FGD4: variants seen among roughly 807,000 people sequenced by gnomAD.
FGD4 encodes the protein FYVE, RhoGEF and PH domain-containing protein 4.
A neutral mutation model predicts 102.0 loss-of-function variants in FGD4; 42 were observed. The observed-to-expected ratio is 0.41, with a 90% CI of 0.32 to 0.53. The LOEUF (loss-of-function observed/expected upper bound fraction) is 0.53. FGD4 is among the 20% of genes least tolerant of loss of function. The pLI, the probability that FGD4 is intolerant of heterozygous loss-of-function variation, is 0.21. For missense variants in FGD4, 902 were observed against 1,078.2 expected (o/e 0.84, Z 2.29); for synonymous variants, 380 against 375.7 (o/e 1.01, Z -0.13).
At chr12:32,532,569 CT>C (rs936929128) in intron 1 of FGD4, among the ~76,000 whole-genome samples, 272 of 143,100 alleles carry the variant, frequency 1.9e-3, no homozygotes, top group Admixed American at 2.0e-3. Flanking sequence ...CACATGTTAG[CT>C]TTTTTTTTTT....
intron 1 of FGD4, among the ~76,000 whole-genome samples, chr12:32,496,962 G>A (rs1039507388): frequency 3.9e-5 from 6 of 152,160 alleles, no homozygotes; most frequent in African/African-American, 9.7e-5. Context: ...ATTCTTATTT[G>A]ACTAAGACAC....
chr12:32,629,971 G>A (rs1950403345), intron 14 of FGD4, among the ~76,000 whole-genome samples: 1 of 152,102 alleles, frequency 6.6e-6, no homozygotes, highest in South Asian at 2.1e-4. Context: ...TTATTTGGTT[G>A]ATAGTTCATT....
chr12:32,497,547 C>G (rs1007879082), intron 1 of FGD4, among the ~76,000 whole-genome samples: 3 of 151,990 alleles, frequency 2.0e-5, no homozygotes, highest in Non-Finnish European at 4.4e-5. Context: ...ATGTTTGATC[C>G]CCGATTAGGA....
In FGD4 at chr12:32,399,900, C is replaced by T. The variant is rs1370361524; in HGVS notation, c.107C>T (p.Ser36Leu). 6.5e-7 allele frequency: 1 copy of T among 1,529,140 alleles called. No individual in the cohort carries two copies. The highest frequency in any genetic ancestry group is 1.4e-5 in the African/African-American group (1 of 71,710). The allele number at this position is 1,529,140 out of a possible 1,614,324, so 94.7% of individuals were successfully genotyped here. A position where few individuals can be genotyped will look rare whatever the true frequency, so the allele number is the denominator to read the frequency against. Reference protein sequence around the residue: ...GVPRPWSRPASHLGRVGTAAF... With the variant: ...GVPRPWSRPALHLGRVGTAAF... The stretch of plus-strand genomic sequence containing the variant: ...CCCCGGCCCTGGAGCAGGCCCGCGT[C>T]GCACCTGGGACGTGTAGGGACCGCT... The change falls in exon 1 of 17, where the codon TCG becomes TTG. Residue 36 changes from serine (S) to leucine (L), a missense_variant. Around this residue, in one of 2 missense-constraint regions of FGD4, gnomAD observed 443 missense variants for 459.2 expected, o/e 0.96. Coordinates refer to ENST00000534526, the MANE Select transcript of FGD4 (RefSeq NM_001370298.3).
rs1005534345 is a variant in FGD4 at position 32,502,166 on chromosome 12, C to G, written c.167-61971C>G. On this transcript the variant is annotated intron_variant, in intron 1 of 16. Coordinates refer to ENST00000534526, the MANE Select transcript of FGD4 (RefSeq NM_001370298.3). The stretch of plus-strand genomic sequence containing the variant: ...CACTCCCCACCGGAATGTGATTATC[C>G]TTGCTGGGCTGGGAAGTGGGGAAAG... The G allele has an allele frequency of 5.1e-6, 5 of 985,376 alleles. No individual in the cohort carries two copies. The African/African-American group carries it at 8.7e-5, about 17-fold the overall frequency. The allele number at this position is 985,376 out of a possible 1,614,324, so 61.0% of individuals were successfully genotyped here. A position where few individuals can be genotyped will look rare whatever the true frequency, so the allele number is the denominator to read the frequency against.
intron 4 of FGD4, among the ~76,000 whole-genome samples, chr12:32,584,478 G>A (rs967254325): frequency 6.6e-6 from 1 of 152,080 alleles, no homozygotes; most frequent in East Asian, 1.9e-4. Context: ...TTCTACTTCT[G>A]GCTTGTCTAT....
In FGD4 at chr12:32,640,216, G is replaced by A. The variant is rs1951087146; in HGVS notation, c.2455-60G>A. 2.5e-6 allele frequency: 4 copies of A among 1,613,150 alleles called. No homozygotes were observed. The Admixed American group carries it at 5.0e-5, about 20-fold the overall frequency. On this transcript the variant is annotated intron_variant, in intron 16 of 16. Coordinates refer to ENST00000534526, the MANE Select transcript of FGD4 (RefSeq NM_001370298.3). ...AGGAAGAGAGGTTTAGTAGGAGCAA[G>A]GGACACACTTAACAAGCGAATACAT...
At chr12:32,526,198 G>C (rs1014074292) in intron 1 of FGD4, among the ~76,000 whole-genome samples, 2 of 152,250 alleles carry the variant, frequency 1.3e-5, no homozygotes, top group African/African-American at 4.8e-5. Flanking sequence ...ACACCAATCA[G>C]CACCCTGTGT....
intron 1 of FGD4, among the ~76,000 whole-genome samples, chr12:32,434,967 T>C (rs2136443484): frequency 6.6e-6 from 1 of 152,242 alleles, no homozygotes; most frequent in East Asian, 1.9e-4. Flanking sequence ...TTTCTTTTCT[T>C]TTCTTTCTTT....
At chr12:32,411,302 C>T (rs1591847375) in intron 1 of FGD4, among the ~76,000 whole-genome samples, 1 of 151,026 alleles carries the variant, frequency 6.6e-6, no homozygotes, top group African/African-American at 2.4e-5. Context: ...TTTGGGAGGC[C>T]GAGGCGGACG....
At chr12:32,587,638 G>A (rs958820413) in intron 4 of FGD4, among the ~76,000 whole-genome samples, 2 of 152,018 alleles carry the variant, frequency 1.3e-5, no homozygotes, top group East Asian at 1.9e-4. Flanking sequence ...TGATCCACCC[G>A]CCTCAGCCTC....
intron 1 of FGD4, among the ~76,000 whole-genome samples, chr12:32,479,786 C>CT (rs559968024): frequency 0.2 from 20,910 of 106,732 alleles, 2,609 homozygotes; most frequent in East Asian, 0.26. Context: ...AAGCATTATT[C>CT]TTTTTTTTTT....
chr12:32,509,956 A>G (rs956509403), intron 1 of FGD4, among the ~76,000 whole-genome samples: 1 of 152,188 alleles, frequency 6.6e-6, no homozygotes, highest in African/African-American at 2.4e-5. Context: ...TTCTAACTAC[A>G]GATGTCCTGG....
At chr12:32,473,437 C>A (rs541533781) in intron 1 of FGD4, among the ~76,000 whole-genome samples, 1 of 152,090 alleles carries the variant, frequency 6.6e-6, no homozygotes, top group East Asian at 1.9e-4. Flanking sequence ...CCAGACGCGC[C>A]GCCTTAAAAG....
At chr12:32,609,519 T>C (rs1949007979) in intron 8 of FGD4, among the ~76,000 whole-genome samples, 1 of 152,202 alleles carries the variant, frequency 6.6e-6, no homozygotes, top group Admixed American at 6.5e-5. Context: ...CACATCAGAA[T>C]AGTTCTTTAA....
At chr12:32,585,222 TTATATATATATATATATA>T (rs140227421) in intron 4 of FGD4, among the ~76,000 whole-genome samples, 14,544 of 116,162 alleles carry the variant, frequency 0.13, 1,095 homozygotes, top group Middle Eastern at 0.24. Context: ...CTCAAAAATT[TTATATATATATATATATA>T]TATATATATA....
chr12:32,633,187 TAG>T (rs781318735), intron 14 of FGD4, among the ~76,000 whole-genome samples: 25 of 150,438 alleles, frequency 1.7e-4, no homozygotes, highest in Non-Finnish European at 2.8e-4. Flanking sequence ...TTTCCTGCAA[TAG>T]AGAGGACTGT....
At chr12:32,447,033 C>T (rs1348061305) in intron 1 of FGD4, among the ~76,000 whole-genome samples, 3 of 152,080 alleles carry the variant, frequency 2.0e-5, no homozygotes, top group Non-Finnish European at 4.4e-5. Context: ...CAAAGCTGTC[C>T]CTTTATTTTG....
At chr12:32,423,551 C>T (rs1245141949) in intron 1 of FGD4, among the ~76,000 whole-genome samples, 1 of 146,778 alleles carries the variant, frequency 6.8e-6, no homozygotes, top group African/African-American at 2.5e-5. Flanking sequence ...GAGATCACGC[C>T]ACTGCATTCC....
Sources: gnomAD v4.1 joint callset for allele counts (sites outside exome capture counted in the v4.1 genomes callset) on GRCh38, gnomAD v4.1.1 for gene constraint, gnomAD v4.1.1 regional missense constraint, MANE v1.5 for transcripts, NCBI Gene and HGNC (gene_info 2026-07-23, HGNC 2026-07-21) for gene names.